The following DOP1A variants were observed in gnomAD, a reference collection of about 807,000 sequenced individuals.
The protein encoded by DOP1A is protein DOP1A.
In DOP1A, 90 loss-of-function variants were observed where a neutral mutation model predicts 267.6. That is an observed-to-expected ratio of 0.34 (90% CI 0.28 to 0.40). DOP1A has a LOEUF of 0.40. Ranked by LOEUF, DOP1A falls within the 10% of genes least tolerant of loss-of-function variation. The probability of loss-of-function intolerance (pLI) is 1.00; values close to 1 mark genes in which losing one functional copy is unlikely to be tolerated. For synonymous variants in DOP1A, 932 were observed against 999.1 expected, an observed-to-expected ratio of 0.93 and a Z score of 1.27; for missense variants, 2,437 against 2,900.4, an observed-to-expected ratio of 0.84 and a Z score of 3.67.
intron 1 of DOP1A, among the ~76,000 whole-genome samples, chr6:83,084,549 G>A (rs553082564): frequency 2.0e-4 from 31 of 152,198 alleles, no homozygotes; most frequent in Non-Finnish European, 3.8e-4. Flanking sequence ...TTCGACGTCT[G>A]GGAGTATCAT....
Position 83,138,607 on chromosome 6 carries a change from G to T in DOP1A, c.4565G>T (p.Cys1522Phe), listed in dbSNP as rs374167363. ...TTTATTTCTGATATGTTATCTAAGT[G>T]CAAAGTTCAGAAAGTGATTCTTCAT... ...PSFISDMLSK[C>F]KVQKVILHCL... The change falls in exon 21 of 39, where the codon TGC becomes TTC. Residue 1522 changes from cysteine to phenylalanine, a missense_variant. By Grantham distance (205) the Cys-to-Phe change is radical. Around this residue, in one of 9 missense-constraint regions of DOP1A, gnomAD observed 878 missense variants for 992.9 expected, o/e 0.88. Coordinates refer to ENST00000349129, the MANE Select transcript of DOP1A (RefSeq NM_015018.4). The T allele has an allele frequency of 5.0e-6, 8 of 1,613,686 alleles. No homozygotes were observed. In the African/African-American group the frequency reaches 9.3e-5, roughly 19 times the overall value.
At chr6:83,136,665 A>G (rs990813867) in intron 20 of DOP1A, among the ~76,000 whole-genome samples, 2 of 151,886 alleles carry the variant, frequency 1.3e-5, no homozygotes, top group Non-Finnish European at 2.9e-5. Flanking sequence ...CTTCTTTTCT[A>G]TTCCTTCTTC....
chr6:83,137,965 A>G lies in DOP1A; in HGVS notation c.3923A>G (p.Asp1308Gly), dbSNP rs1483638113. The change falls in exon 21 of 39, where the codon GAT becomes GGT. Residue 1308 changes from aspartate (D) to glycine (G), a missense_variant. Asp to Gly is a moderately conservative substitution (Grantham distance 94). Transcript: ENST00000349129. ...PKVKLARKKD[D>G]DKKKSSNEKL... Reference sequence around the variant, plus strand: ...GTAAAACTTGCCAGAAAAAAGGATGATGACAAGAAAAAATCTTCAAATGAA... The same window carrying G: ...GTAAAACTTGCCAGAAAAAAGGATGGTGACAAGAAAAAATCTTCAAATGAA... 6.2e-7 allele frequency: 1 copy of G among 1,605,498 alleles called. No homozygotes were observed. The highest frequency in any genetic ancestry group is 8.5e-7 in the Non-Finnish European group (1 of 1,177,582).
chr6:83,139,910 G>T, intron 21 of DOP1A, 90 bp from the exon 22 acceptor site: 1 of 802,874 alleles, frequency 1.2e-6, no homozygotes, highest in South Asian at 1.8e-5. Flanking sequence ...CATCTTCTGT[G>T]TACCTGACAC....
intron 24 of DOP1A, among the ~76,000 whole-genome samples, chr6:83,142,472 C>T (rs491330): frequency 0.23 from 34,180 of 151,904 alleles, 3,927 homozygotes; most frequent in Non-Finnish European, 0.24. Flanking sequence ...CATGCCACTG[C>T]ACTCCAGCCT....
chr6:83,160,989 A>C (rs188407142), intron 37 of DOP1A, among the ~76,000 whole-genome samples: 28 of 152,116 alleles, frequency 1.8e-4, no homozygotes, highest in Admixed American at 6.5e-4. Context: ...ATATATATAT[A>C]TCTACTTTTT....
At chr6:83,128,090 T>C (rs1213738442) in intron 15 of DOP1A, among the ~76,000 whole-genome samples, 2 of 152,112 alleles carry the variant, frequency 1.3e-5, no homozygotes, top group Non-Finnish European at 1.5e-5. Flanking sequence ...AGGAAAAGTG[T>C]CATTCACTGA....
chr6:83,116,902 C>T (rs573345877), intron 7 of DOP1A, among the ~76,000 whole-genome samples: 222 of 152,212 alleles, frequency 1.5e-3, no homozygotes, highest in African/African-American at 5.1e-3. Context: ...TTATTTGTCA[C>T]GATTAATGTT....
At chr6:83,105,356 C>CT (rs70987733) in intron 4 of DOP1A, among the ~76,000 whole-genome samples, 18,450 of 66,094 alleles carry the variant, frequency 0.28, 5,892 homozygotes, top group East Asian at 0.53. Flanking sequence ...GGATGTCTTT[C>CT]TTTTTTTTTT....
Position 83,135,712 on chromosome 6 carries a change from T to C in DOP1A, c.2964T>C (p.His988=). 1 of 1,613,696 alleles carries C rather than the reference T, an allele frequency of 6.2e-7. No homozygotes were observed. The change falls in exon 20 of 39, where the codon CAT becomes CAC. Residue 988 remains histidine (H), a synonymous_variant. Coordinates refer to ENST00000349129, the MANE Select transcript of DOP1A (RefSeq NM_015018.4). ...GGCTGAACCAAGTCCTACAAAGACATGATATTGCACGAGTTTTGGAACCAT... is the reference window on the plus strand; with the variant it reads ...GGCTGAACCAAGTCCTACAAAGACACGATATTGCACGAGTTTTGGAACCAT... ...QAWLNQVLQR[H]DIARVLEPLL...
intron 12 of DOP1A, among the ~76,000 whole-genome samples, chr6:83,123,423 A>G (rs1776658001): frequency 6.6e-6 from 1 of 152,040 alleles, no homozygotes; most frequent in Non-Finnish European, 1.5e-5. Context: ...TCTACCCCTT[A>G]GCAAATAAAG....
intron 33 of DOP1A, among the ~76,000 whole-genome samples, chr6:83,155,311 A>AT (rs1243659292): frequency 7.9e-5 from 12 of 152,008 alleles, no homozygotes. Context: ...AAAAAAAAAA[A>AT]AAAATTAAAC....
Position 83,140,255 on chromosome 6 carries a change from A to T in DOP1A, c.5267A>T (p.Glu1756Val), listed in dbSNP as rs202197480. The T allele has an allele frequency of 2.3e-5, 37 of 1,613,190 alleles. No individual in the cohort carries two copies. In the Middle Eastern group the frequency reaches 8.3e-4, roughly 36 times the overall value. The change falls in exon 23 of 39, where the codon GAA becomes GTA. Residue 1756 changes from glutamate (E) to valine (V), a missense_variant. Around this residue, in one of 9 missense-constraint regions of DOP1A, gnomAD observed 307 missense variants for 308.6 expected, o/e 0.99. Coordinates refer to ENST00000349129, the MANE Select transcript of DOP1A (RefSeq NM_015018.4). ...AGTGTAGACCAGAAACACTTGTTTG[A>T]AGCACGCAGTGGAATCCTCTCAATC... ...LVSVDQKHLF[E>V]ARSGILSILH...
Position 83,119,135 on chromosome 6 carries a change from T to C in DOP1A, c.880+148T>C. On this transcript the variant is annotated intron_variant, in intron 8 of 38. Coordinates refer to ENST00000349129, the MANE Select transcript of DOP1A (RefSeq NM_015018.4). Reference sequence around the variant, plus strand: ...ACAATAAAAATATAAACAGTATTAGTTGTGTATTGTATGAAGAAATTTCAG... The same window carrying C: ...ACAATAAAAATATAAACAGTATTAGCTGTGTATTGTATGAAGAAATTTCAG... The C allele has an allele frequency of 6.3e-6, 4 of 633,618 alleles. No homozygotes were observed. In the South Asian group the frequency reaches 8.4e-5, roughly 13 times the overall value. 39.2% of individuals were successfully genotyped at this position (633,618 alleles called of 1,614,324 possible).
intron 7 of DOP1A, among the ~76,000 whole-genome samples, chr6:83,117,529 T>C (rs377700341): frequency 2.6e-5 from 4 of 152,170 alleles, no homozygotes; most frequent in South Asian, 2.1e-4. Context: ...TTGATACTTA[T>C]TTTTTGATTT....
At chr6:83,157,742 T>G (rs115144751) in intron 35 of DOP1A, among the ~76,000 whole-genome samples, 155 of 152,214 alleles carry the variant, frequency 1.0e-3, no homozygotes, top group African/African-American at 3.3e-3. Context: ...GTGCAGCACC[T>G]ACCCCATTTA....
intron 15 of DOP1A, among the ~76,000 whole-genome samples, chr6:83,127,889 A>G (rs1191091132): frequency 6.6e-6 from 1 of 152,192 alleles, no homozygotes; most frequent in African/African-American, 2.4e-5. Flanking sequence ...TCTCTCAATT[A>G]TACACATTAG....
chr6:83,134,128 A>G, intron 18 of DOP1A, 59 bp from the exon 19 acceptor site: 1 of 1,456,522 alleles, frequency 6.9e-7, no homozygotes, highest in African/African-American at 1.4e-5. Context: ...TGATTTTACT[A>G]AAATCATAGT....
At chr6:83,128,142 CT>C (rs1777483770) in intron 15 of DOP1A, among the ~76,000 whole-genome samples, 1 of 152,142 alleles carries the variant, frequency 6.6e-6, no homozygotes, top group Admixed American at 6.6e-5. Context: ...GGCAACAGGG[CT>C]TTAGTTCATG....
Sources: allele counts gnomAD v4.1 joint callset (sites outside exome capture counted in the v4.1 genomes callset), GRCh38; gene constraint gnomAD v4.1.1; regional missense constraint gnomAD v4.1.1; transcripts MANE v1.5; gene names NCBI Gene and HGNC (gene_info 2026-07-23, HGNC 2026-07-21).